CDH8: variants seen among roughly 807,000 people sequenced by gnomAD.
The protein encoded by CDH8 is cadherin-8.
CDH8 carries 17 observed loss-of-function variants against 68.1 expected under a neutral mutation model. The observed-to-expected ratio is 0.25, with a 90% confidence interval of 0.17 to 0.37. The LOEUF (loss-of-function observed/expected upper bound fraction) is 0.37. CDH8 is among the 10% of genes least tolerant of loss of function. The probability of loss-of-function intolerance (pLI) is 1.00; values close to 1 mark genes in which losing one functional copy is unlikely to be tolerated. For missense variants in CDH8, 763 were observed against 999.3 expected (o/e 0.76, Z 3.19); for synonymous variants, 372 against 365.1 (o/e 1.02, Z -0.21).
In CDH8 at chr16:61,960,051, GTA is replaced by G. The variant is rs530907432; in HGVS notation, c.253-58580_253-58579del. 1.3e-4 allele frequency among the ~76,000 whole-genome samples: 6 copies of G among 46,878 alleles called. No individual in the cohort carries two copies. In the South Asian group the frequency reaches 4.3e-3, roughly 33 times the overall value. 30.8% of individuals were successfully genotyped at this position (46,878 alleles called of 152,430 possible). On this transcript the variant is annotated intron_variant, in intron 2 of 11. Coordinates refer to ENST00000577390, the MANE Select transcript of CDH8 (RefSeq NM_001796.5). ...ACACACACACACAACATATATGTATGTATGTGTGTGTGTATACACATACATAT... is the reference window on the plus strand; with the variant it reads ...ACACACACACACAACATATATGTATGTGTGTGTGTGTATACACATACATAT...
intron 3 of CDH8, among the ~76,000 whole-genome samples, chr16:61,884,252 G>A (rs1963630171): frequency 6.6e-6 from 1 of 152,072 alleles, no homozygotes; most frequent in African/African-American, 2.4e-5. Context: ...GAGACAGCAA[G>A]ACCAACTCCT....
intron 8 of CDH8, among the ~76,000 whole-genome samples, chr16:61,771,213 T>C (rs1341570289): frequency 6.6e-6 from 1 of 151,942 alleles, no homozygotes; most frequent in Non-Finnish European, 1.5e-5. Flanking sequence ...CATCAATTCC[T>C]GTCTTATCTT....
At chr16:61,974,715 A>C (rs1965405481) in intron 2 of CDH8, among the ~76,000 whole-genome samples, 1 of 152,134 alleles carries the variant, frequency 6.6e-6, no homozygotes, top group African/African-American at 2.4e-5. Flanking sequence ...CTTAAGTGGT[A>C]CCGTTTTCAT....
At chr16:61,801,416 T>C (rs570162700) in intron 7 of CDH8, among the ~76,000 whole-genome samples, 32 of 152,182 alleles carry the variant, frequency 2.1e-4, no homozygotes, top group African/African-American at 6.8e-4. Flanking sequence ...CACTGTGGAT[T>C]TGGGAGCTGG....
At chr16:61,860,238 G>A (rs1485038358) in intron 3 of CDH8, among the ~76,000 whole-genome samples, 9 of 152,094 alleles carry the variant, frequency 5.9e-5, no homozygotes, top group Non-Finnish European at 4.4e-5. Flanking sequence ...ATGACAGTAC[G>A]AAGGGCTTCA....
chr16:61,941,939 C>T (rs1268242685), intron 2 of CDH8, among the ~76,000 whole-genome samples: 2 of 152,134 alleles, frequency 1.3e-5, no homozygotes, highest in African/African-American at 2.4e-5. Context: ...ATACATTAAC[C>T]TGCTCCTCGT....
In CDH8 at chr16:62,005,820, T is replaced by C. The variant is rs1965965410; in HGVS notation, c.252+15332A>G. On this transcript the variant is annotated intron_variant, in intron 2 of 11. Coordinates refer to ENST00000577390, the MANE Select transcript of CDH8 (RefSeq NM_001796.5). ...CTCAGTTCATATTTGCCAGTGTAAG[T>C]AGGGAAGTAGCATAGTCCTTGGATT... 2.6e-5 allele frequency among the ~76,000 whole-genome samples: 4 copies of C among 151,132 alleles called. No homozygotes were observed. The South Asian group carries it at 8.4e-4, about 32-fold the overall frequency.
intron 3 of CDH8, among the ~76,000 whole-genome samples, chr16:61,891,076 T>TA (rs1567516236): frequency 5.3e-5 from 8 of 151,936 alleles, no homozygotes; most frequent in South Asian, 4.1e-4. Flanking sequence ...TATATATATA[T>TA]TTTATACATA....
intron 4 of CDH8, among the ~76,000 whole-genome samples, chr16:61,846,287 T>C (rs1393700343): frequency 6.6e-6 from 1 of 152,126 alleles, no homozygotes; most frequent in Non-Finnish European, 1.5e-5. Context: ...TATGACACTT[T>C]GGATAATAAG....
chr16:61,961,059 T>C (rs1259343038), intron 2 of CDH8, among the ~76,000 whole-genome samples: 1 of 152,138 alleles, frequency 6.6e-6, no homozygotes, highest in African/African-American at 2.4e-5. Context: ...CTCATGCCTG[T>C]AATTCCAGCA....
chr16:61,779,208 T>C (rs1312509965), intron 8 of CDH8, among the ~76,000 whole-genome samples: 1 of 152,172 alleles, frequency 6.6e-6, no homozygotes, highest in East Asian at 1.9e-4. Context: ...CATCACGTTC[T>C]CTGTGAAGGA....
intron 8 of CDH8, among the ~76,000 whole-genome samples, chr16:61,757,547 C>T (rs559843826): frequency 4.6e-5 from 7 of 152,278 alleles, no homozygotes; most frequent in African/African-American, 1.4e-4. Context: ...GATAGGGTAG[C>T]TGTTCTCTTG....
At chr16:61,881,609 T>A (rs968027785) in intron 3 of CDH8, among the ~76,000 whole-genome samples, 9 of 152,198 alleles carry the variant, frequency 5.9e-5, no homozygotes, top group Non-Finnish European at 1.3e-4. Flanking sequence ...TAAATCAGGA[T>A]AAACTATGAC....
chr16:61,681,233 A>G (rs1964007292), intron 10 of CDH8, among the ~76,000 whole-genome samples: 1 of 151,938 alleles, frequency 6.6e-6, no homozygotes, highest in African/African-American at 2.4e-5. Flanking sequence ...AAGTGTTTAT[A>G]GAAGCATTAT....
At chr16:61,757,988 G>A (rs77862414) in intron 8 of CDH8, among the ~76,000 whole-genome samples, 35 of 152,272 alleles carry the variant, frequency 2.3e-4, no homozygotes, top group African/African-American at 7.9e-4. Flanking sequence ...TAATGACAAC[G>A]TTAAGCATGT....
intron 8 of CDH8, among the ~76,000 whole-genome samples, chr16:61,738,624 T>A (rs570454778): frequency 6.6e-6 from 1 of 152,160 alleles, no homozygotes; most frequent in African/African-American, 2.4e-5. Context: ...AAAGATAACA[T>A]GAGAGACAGT....
intron 5 of CDH8, among the ~76,000 whole-genome samples, chr16:61,821,343 T>A (rs1036985115): frequency 2.6e-5 from 4 of 152,060 alleles, no homozygotes; most frequent in South Asian, 2.1e-4. Context: ...TCAAGGCTCT[T>A]CTGAGATATG....
chr16:62,032,760 T>C (rs1196833346), intron 1 of CDH8, among the ~76,000 whole-genome samples: 1 of 152,186 alleles, frequency 6.6e-6, no homozygotes, highest in Admixed American at 6.5e-5. Context: ...ACTTTACCCC[T>C]TGAAAGCCTT....
At chr16:61,835,200 G>A (rs187976452) in intron 4 of CDH8, among the ~76,000 whole-genome samples, 2 of 151,782 alleles carry the variant, frequency 1.3e-5, no homozygotes, top group African/African-American at 2.4e-5. Flanking sequence ...ATAGAATAGC[G>A]GGCTTGAAAG....
Sources: allele counts gnomAD v4.1 joint callset (sites outside exome capture counted in the v4.1 genomes callset), GRCh38; gene constraint gnomAD v4.1.1; transcripts MANE v1.5; gene names NCBI Gene and HGNC (gene_info 2026-07-23, HGNC 2026-07-21).